Variants in EFCAB11 observed in about 807,000 individuals in gnomAD.
EFCAB11 encodes the protein EF-hand calcium binding domain 11.
Under a neutral mutation model 23.0 loss-of-function variants are expected in EFCAB11, and 14 were observed. That is an observed-to-expected ratio of 0.61 (90% confidence interval 0.40 to 0.95). EFCAB11 has a LOEUF of 0.95. Ranked by LOEUF, EFCAB11 falls within the 40% of genes least tolerant of loss-of-function variation. The pLI, the probability that EFCAB11 is intolerant of heterozygous loss-of-function variation, is 0.00. For synonymous variants in EFCAB11, 65 were observed against 66.6 expected (o/e 0.98, Z 0.11); for missense variants, 198 against 195.8 (o/e 1.01, Z -0.07).
intron 5 of EFCAB11, among the ~76,000 whole-genome samples, chr14:89,856,192 CTTTT>C (rs71107567): frequency 5.9e-5 from 8 of 136,456 alleles, no homozygotes; most frequent in African/African-American, 2.3e-4. Flanking sequence ...CTCTCTCTCT[CTTTT>C]TTTTTTTTTT....
intron 5 of EFCAB11, among the ~76,000 whole-genome samples, chr14:89,887,572 T>C (rs1267541608): frequency 3.3e-5 from 5 of 152,356 alleles, no homozygotes; most frequent in Middle Eastern, 3.4e-3. Context: ...GTAAAAACAG[T>C]ACTAAGGTAT....
chr14:89,916,249 G>A (rs1889840340), intron 5 of EFCAB11, among the ~76,000 whole-genome samples: 1 of 152,078 alleles, frequency 6.6e-6, no homozygotes, highest in Non-Finnish European at 1.5e-5. Flanking sequence ...TGATAAATTT[G>A]TAACCCACAG....
Position 89,931,576 on chromosome 14 carries a change from G to C in EFCAB11, c.375C>G (p.Pro125=). Residue 125 remains proline, a synonymous_variant, in exon 5 of 6, where the codon CCC becomes CCG. Transcript: ENST00000316738. Reference sequence around the variant, plus strand: ...CAAGAACAGTCCTTTCCGGTAATTTGGGAGCCACCTGCCTAAATGCTTTTT... The same window carrying C: ...CAAGAACAGTCCTTTCCGGTAATTTCGGAGCCACCTGCCTAAATGCTTTTT... ...DFKKAFRQVA[P]KLPERTVLEV... 1 of 1,614,092 alleles carries C rather than the reference G, an allele frequency of 6.2e-7. No individual in the cohort carries two copies. The highest frequency in any genetic ancestry group is 8.5e-7 in the Non-Finnish European group (1 of 1,179,994).
rs993017026 is a variant in EFCAB11, at chr14:89,918,776, T to C, written c.410+12765A>G. ...AACTCTAATGAGCTGGCTTGGGGTA[T>C]TGTACTGAGAAGAACTCTGAGTTCT... On this transcript the variant is annotated intron_variant, in intron 5 of 5. Transcript: ENST00000316738. Among the ~76,000 whole-genome samples the C allele has an allele frequency of 8.6e-5, 13 of 151,558 alleles. No homozygotes were observed. In the East Asian group the frequency reaches 2.1e-3, roughly 25 times the overall value.
intron 5 of EFCAB11, among the ~76,000 whole-genome samples, chr14:89,904,481 G>T (rs758024298): frequency 5.3e-5 from 8 of 152,166 alleles, no homozygotes; most frequent in Non-Finnish European, 1.0e-4. Context: ...AATCGTTTGG[G>T]TATATATCCA....
intron 5 of EFCAB11, among the ~76,000 whole-genome samples, chr14:89,803,212 C>G (rs149852779): frequency 2.0e-5 from 3 of 152,320 alleles, no homozygotes; most frequent in Non-Finnish European, 4.4e-5. Flanking sequence ...CCAGCTAAAT[C>G]TACACTTACT....
At chr14:89,804,629 TGAAACTTCACACAGA>T (rs1463630786) in intron 5 of EFCAB11, among the ~76,000 whole-genome samples, 3 of 152,192 alleles carry the variant, frequency 2.0e-5, no homozygotes, top group African/African-American at 4.8e-5. Flanking sequence ...TTTTGAGAGA[TGAAACTTCACACAGA>T]GCATTTAAAT....
chr14:89,954,405 A>T, intron 1 of EFCAB11, 181 bp downstream of exon 1: 1 of 1,536,492 alleles, frequency 6.5e-7, no homozygotes, highest in Non-Finnish European at 8.7e-7. Context: ...AGGTAGCCGT[A>T]GTCCTGGACG....
chr14:89,891,803 G>A (rs540448908), intron 5 of EFCAB11, among the ~76,000 whole-genome samples: 2 of 152,220 alleles, frequency 1.3e-5, no homozygotes, highest in African/African-American at 2.4e-5. Context: ...CATGGAGGCC[G>A]AGGGCTGCCG....
chr14:89,917,387 C>T (rs550956673), intron 5 of EFCAB11, among the ~76,000 whole-genome samples: 3 of 152,128 alleles, frequency 2.0e-5, no homozygotes, highest in African/African-American at 4.8e-5. Flanking sequence ...CATAATGTCC[C>T]CAGATTCCTC....
chr14:89,838,270 TAA>T (rs1887148389), intron 5 of EFCAB11, among the ~76,000 whole-genome samples: 1 of 152,060 alleles, frequency 6.6e-6, no homozygotes, highest in Non-Finnish European at 1.5e-5. Context: ...AGCAAGATTG[TAA>T]AATCAGAAAG....
chr14:89,941,767 T>C (rs1009172382), intron 3 of EFCAB11, among the ~76,000 whole-genome samples: 1 of 151,962 alleles, frequency 6.6e-6, no homozygotes, highest in African/African-American at 2.4e-5. Flanking sequence ...GGCTCATGCC[T>C]GTAATCCCAG....
At chr14:89,797,406 T>G in intron 5 of EFCAB11, 82 bp from the exon 6 acceptor site, 1 of 1,295,472 alleles carries the variant, frequency 7.7e-7, no homozygotes, top group Non-Finnish European at 1.1e-6. Context: ...TCTTTATTTA[T>G]TTGCATGTCT....
intron 5 of EFCAB11, among the ~76,000 whole-genome samples, chr14:89,867,860 G>A (rs775604839): frequency 1.3e-5 from 2 of 152,152 alleles, no homozygotes; most frequent in Non-Finnish European, 2.9e-5. Flanking sequence ...TGTGGCAGGA[G>A]GGCACTGAAG....
At chr14:89,826,161 C>T (rs370322583) in intron 5 of EFCAB11, among the ~76,000 whole-genome samples, 1 of 151,882 alleles carries the variant, frequency 6.6e-6, no homozygotes, top group African/African-American at 2.4e-5. Context: ...GATTAATTGA[C>T]CCTGTTATAA....
At chr14:89,831,216 T>C (rs1338863835) in intron 5 of EFCAB11, 2 of 152,204 alleles carry the variant, frequency 1.3e-5, no homozygotes, top group African/African-American at 4.8e-5. Context: ...CTTCCAGGTT[T>C]CTGGCACAAG....
At chr14:89,947,430 A>T (rs1891021998) in intron 3 of EFCAB11, among the ~76,000 whole-genome samples, 1 of 152,144 alleles carries the variant, frequency 6.6e-6, no homozygotes, top group African/African-American at 2.4e-5. Context: ...CTCTTGATCT[A>T]TTGCCACTCT....
At chr14:89,828,949 C>T (rs1886797885) in intron 5 of EFCAB11, among the ~76,000 whole-genome samples, 1 of 152,168 alleles carries the variant, frequency 6.6e-6, no homozygotes, top group South Asian at 2.1e-4. Context: ...GCTAACGATC[C>T]AGAAGGCTAA....
chr14:89,834,401 A>AC (rs1566776990), intron 5 of EFCAB11, among the ~76,000 whole-genome samples: 1 of 149,602 alleles, frequency 6.7e-6, no homozygotes, highest in Non-Finnish European at 1.5e-5. Flanking sequence ...AAAAAAAAAA[A>AC]AACCTTTTTG....
Sources: gnomAD v4.1 joint callset for allele counts (sites outside exome capture counted in the v4.1 genomes callset) on GRCh38, gnomAD v4.1.1 for gene constraint, MANE v1.5 for transcripts, NCBI Gene and HGNC (gene_info 2026-07-23, HGNC 2026-07-21) for gene names.